Variants in RGP1 observed in about 807,000 individuals in gnomAD.
RGP1 encodes RGP1 partner of RAB6A GEF complex.
Under a neutral mutation model 44.5 loss-of-function variants are expected in RGP1, and 28 were observed. The ratio of observed to expected loss-of-function variants is 0.63; its 90% CI spans 0.47 to 0.86. RGP1 has a LOEUF of 0.86. Ranked by LOEUF, RGP1 falls within the 40% of genes least tolerant of loss-of-function variation. The probability of loss-of-function intolerance (pLI) is 0.00; values close to 1 mark genes in which losing one functional copy is unlikely to be tolerated. For missense variants in RGP1, 417 were observed against 490.7 expected (o/e 0.85, Z 1.42); for synonymous variants, 212 against 196.7 (o/e 1.08, Z -0.65).
chr9:35,759,025 G>T (rs563752310), downstream of RGP1, among the ~76,000 whole-genome samples: 1 of 152,172 alleles, frequency 6.6e-6, no homozygotes, highest in Non-Finnish European at 1.5e-5. Context: ...AGTTATGCTT[G>T]CTTTCACCAA....
the RGP1 span, among the ~76,000 whole-genome samples, chr9:35,789,424 A>G: frequency 2.6e-4 from 38 of 147,334 alleles, no homozygotes; most frequent in East Asian, 6.8e-3. Context: ...TCAGCCTCCC[A>G]AGTAGCTGGG....
In RGP1 at chr9:35,752,856, C is replaced by T; in HGVS notation, c.1158C>T (p.Thr386=). ...CATATGCTGCCCCAGGCCCCAGCAC[C>T]AGCACCATAACCATCTGAAACTGGC... ...LASYAAPGPS[T]STITI Residue 386 remains threonine (T), a synonymous_variant, in exon 9 of 9, where the codon ACC becomes ACT. Transcript: ENST00000378078. 1.2e-6 allele frequency: 2 copies of T among 1,613,850 alleles called. No individual in the cohort carries two copies. Among genetic ancestry groups the T allele is most frequent in the South Asian group, 1.1e-5 (1 of 91,030 alleles).
chr9:35,749,554 C>A lies in RGP1; in HGVS notation c.-20+146C>A. Reference sequence around the variant, plus strand: ...GTCTAGGGCCCAGAGCGATGTCCTCCCCCTGGGCAGTACTGAGTCTTCAGT... The same window carrying A: ...GTCTAGGGCCCAGAGCGATGTCCTCACCCTGGGCAGTACTGAGTCTTCAGT... On this transcript the variant is annotated intron_variant, in intron 1 of 8. Coordinates refer to ENST00000378078, the MANE Select transcript of RGP1 (RefSeq NM_001080496.3). The surrounding 1 kb of genome is among the most constrained non-coding windows in gnomAD (Gnocchi z 4.4). 1.5e-6 allele frequency: 1 copy of A among 681,116 alleles called. No individual in the cohort carries two copies. The highest frequency in any genetic ancestry group is 2.7e-6 in the Non-Finnish European group (1 of 366,010). The allele number at this position is 681,116 out of a possible 1,614,324, so 42.2% of individuals were successfully genotyped here.
At chr9:35,783,400 A>T in the RGP1 span, among the ~76,000 whole-genome samples, 1 of 152,198 alleles carries the variant, frequency 6.6e-6, no homozygotes, top group Non-Finnish European at 1.5e-5. Flanking sequence ...CTACTGTGCA[A>T]GGGAACACTG....
rs748782932 is a variant in RGP1 at position 35,753,726 on chromosome 9, G to T, written c.*852G>T. ...ATGGAAACAGTCCTTGCGGAGCCAA[G>T]ACTCACCCAGGGTAAAATATTTCCC... On this transcript the variant is annotated 3_prime_UTR_variant, in exon 9 of 9. Coordinates refer to ENST00000378078, the MANE Select transcript of RGP1 (RefSeq NM_001080496.3). This position sits in a 1 kb window ranked among gnomAD's most constrained non-coding sequence, Gnocchi z 4.2. 6.2e-7 allele frequency: 1 copy of T among 1,614,046 alleles called. No homozygotes were observed. Among genetic ancestry groups the T allele is most frequent in the African/African-American group, 1.3e-5 (1 of 74,920 alleles).
rs3750436 is a variant in RGP1 at position 35,753,173 on chromosome 9, C to G, written c.*299C>G. The G allele has an allele frequency of 8.7e-6, 14 of 1,614,174 alleles. No homozygotes were observed. The highest frequency in any genetic ancestry group is 5.5e-5 in the South Asian group (5 of 91,084). On this transcript the variant is annotated 3_prime_UTR_variant, in exon 9 of 9. Coordinates refer to ENST00000378078, the MANE Select transcript of RGP1 (RefSeq NM_001080496.3). The surrounding 1 kb of genome is among the most constrained non-coding windows in gnomAD (Gnocchi z 4.2). ...GCCCCATTCTGGGTCAGGCCCTCCC[C>G]CTTTGCAGGGCAGCCGAGGGTCAGA...
chr9:35,775,119 A>C, the RGP1 span, among the ~76,000 whole-genome samples: 1 of 152,154 alleles, frequency 6.6e-6, no homozygotes, highest in Admixed American at 6.5e-5. Context: ...TGAACTTGGC[A>C]GTTTTGGAGC....
At position 35,749,385 on chromosome 9, in the gene RGP1, G is replaced by A. The variant is rs778442520; in HGVS notation, c.-43G>A. On this transcript the variant is annotated 5_prime_UTR_variant, in exon 1 of 9. Transcript: ENST00000378078. This position sits in a 1 kb window ranked among gnomAD's most constrained non-coding sequence, Gnocchi z 4.4. ...CGGGCAGATGAGGCCTAGGGGTGCC[G>A]ATCCCTAGTGTCGACTATGCGAGGT... is the stretch of plus-strand genomic sequence containing the variant. 10 of 548,114 alleles carry A rather than the reference G, an allele frequency of 1.8e-5. No homozygotes were observed. Among genetic ancestry groups the A allele is most frequent in the Admixed American group, 1.4e-4 (7 of 51,832 alleles). 34.0% of individuals were successfully genotyped at this position (548,114 alleles called of 1,614,324 possible).
At position 35,754,105 on chromosome 9, in the gene RGP1, C is replaced by T. The variant is rs769788892; in HGVS notation, c.*1231C>T. ...CCTCCTAGGATCCCCTTGGCCTGTC[C>T]AGCCCAGAGCATCCTTAGGGCCATT... On this transcript the variant is annotated 3_prime_UTR_variant, in exon 9 of 9. Coordinates refer to ENST00000378078, the MANE Select transcript of RGP1 (RefSeq NM_001080496.3). 5.6e-6 allele frequency: 9 copies of T among 1,613,480 alleles called. No individual in the cohort carries two copies. The highest frequency in any genetic ancestry group is 7.6e-6 in the Non-Finnish European group (9 of 1,179,650).
chr9:35,752,032 C>G lies in RGP1; in HGVS notation c.839C>G (p.Ser280Cys). The G allele has an allele frequency of 6.2e-7, 1 of 1,611,072 alleles. No homozygotes were observed. The highest frequency in any genetic ancestry group is 8.5e-7 in the Non-Finnish European group (1 of 1,178,310). Residue 280 changes from serine (S) to cysteine (C), a missense_variant, in exon 8 of 9, where the codon TCT becomes TGT. Physicochemically the swap from Ser to Cys is moderately radical, Grantham distance 112. Transcript: ENST00000378078. ...QRRRGAGGVP[S>C]VSHVTHARHQ... ...CGACGTGGGGCAGGGGGTGTCCCCT[C>G]TGTGTCACATGTGACTCACGCCCGG...
chr9:35,771,027 T>C, the RGP1 span, among the ~76,000 whole-genome samples: 3 of 152,220 alleles, frequency 2.0e-5, no homozygotes, highest in South Asian at 4.1e-4. Context: ...CCCATTAATT[T>C]TGTTGCCCTT....
At position 35,750,319 on chromosome 9, in the gene RGP1, C is replaced by A. The variant is rs1305788606; in HGVS notation, c.193C>A (p.Pro65Thr). The A allele has an allele frequency of 6.2e-7, 1 of 1,613,854 alleles. No individual in the cohort carries two copies. The highest frequency in any genetic ancestry group is 8.5e-7 in the Non-Finnish European group (1 of 1,179,882). The change falls in exon 3 of 9, where the codon CCT (proline) becomes ACT (threonine). Residue 65 changes from proline to threonine, a missense_variant. By Grantham distance (38) the Pro-to-Thr change is conservative (BLOSUM62 -1). Transcript: ENST00000378078. Reference sequence around the variant, plus strand: ...TGAGAGTCGAGTAGCACTGCCTCCTCCTGACTCTAGTCAGCCAGATGTCCA... The same window carrying A: ...TGAGAGTCGAGTAGCACTGCCTCCTACTGACTCTAGTCAGCCAGATGTCCA... ...ASESRVALPP[P>T]DSSQPDVQPD...
rs750209266 is a variant in RGP1 at position 35,752,911 on chromosome 9, T to C, written c.*37T>C. The C allele has an allele frequency of 2.5e-6, 4 of 1,597,610 alleles. No homozygotes were observed. In the African/African-American group the frequency reaches 5.4e-5, roughly 21 times the overall value. On this transcript the variant is annotated 3_prime_UTR_variant, in exon 9 of 9. Coordinates refer to ENST00000378078, the MANE Select transcript of RGP1 (RefSeq NM_001080496.3). ...CCTGGTGCTAGTTCCTTCCGGATAC[T>C]GAGAACTCAGCACCTGGACTCTAAT...
At chr9:35,764,826 T>G in the RGP1 span, among the ~76,000 whole-genome samples, 7 of 152,334 alleles carry the variant, frequency 4.6e-5, no homozygotes, top group Admixed American at 2.0e-4. Context: ...TTCATGTTTT[T>G]ATGTATATTA....
chr9:35,751,578 C>T (rs561288694), intron 6 of RGP1, 49 bp from the exon 7 acceptor site: 23 of 1,612,516 alleles, frequency 1.4e-5, no homozygotes, highest in Admixed American at 5.0e-5. Context: ...CAGTCCTAGA[C>T]GTTATCCAGT....
downstream of RGP1, among the ~76,000 whole-genome samples, chr9:35,763,362 A>G (rs767129521): frequency 1.3e-5 from 2 of 152,232 alleles, no homozygotes; most frequent in Non-Finnish European, 2.9e-5. Flanking sequence ...AATGGGCTAT[A>G]TAATAGTGAG....
In RGP1 at chr9:35,751,280, C is replaced by A. The variant is rs371917906; in HGVS notation, c.502C>A (p.Arg168=). 1.9e-6 allele frequency: 3 copies of A among 1,613,950 alleles called. No individual in the cohort carries two copies. The highest frequency in any genetic ancestry group is 2.5e-6 in the Non-Finnish European group (3 of 1,179,866). The change falls in exon 6 of 9, where the codon CGG becomes AGG. Residue 168 remains arginine (R), a synonymous_variant. Coordinates refer to ENST00000378078, the MANE Select transcript of RGP1 (RefSeq NM_001080496.3). ...VLVLTGLQDV[R]FPQDEAVAPS... is the part of the protein sequence containing the mutation. Reference sequence around the variant, plus strand: ...TCTTTCTCTAGGCCTTCAGGATGTCCGGTTTCCCCAGGATGAGGCTGTAGC... The same window carrying A: ...TCTTTCTCTAGGCCTTCAGGATGTCAGGTTTCCCCAGGATGAGGCTGTAGC...
chr9:35,778,697 A>G, the RGP1 span, among the ~76,000 whole-genome samples: 5 of 152,150 alleles, frequency 3.3e-5, no homozygotes, highest in African/African-American at 1.2e-4. Flanking sequence ...CTCCTCTCGA[A>G]TGCACAAATA....
rs1179427553 is a variant in RGP1, at chr9:35,749,292, C to T, written c.-136C>T. 2.0e-6 allele frequency: 1 copy of T among 512,178 alleles called. No homozygotes were observed. The highest frequency in any genetic ancestry group is 4.0e-6 in the Non-Finnish European group (1 of 250,508). 31.7% of individuals were successfully genotyped at this position (512,178 alleles called of 1,614,324 possible). A position where few individuals can be genotyped will look rare whatever the true frequency, so the allele number is the denominator to read the frequency against. ...AGGGTGGGGGACCGAAGGGAAGTCCCGCCTCTACCGCCCAGCGGACGCCGC... is the reference window on the plus strand; with the variant it reads ...AGGGTGGGGGACCGAAGGGAAGTCCTGCCTCTACCGCCCAGCGGACGCCGC... On this transcript the variant is annotated 5_prime_UTR_variant, in exon 1 of 9. Coordinates refer to ENST00000378078, the MANE Select transcript of RGP1 (RefSeq NM_001080496.3). This position sits in a 1 kb window ranked among gnomAD's most constrained non-coding sequence, Gnocchi z 4.4.
Sources: gnomAD v4.1 joint callset for allele counts (sites outside exome capture counted in the v4.1 genomes callset) on GRCh38, gnomAD v4.1.1 for gene constraint, Gnocchi (gnomAD v3.1) non-coding constraint, MANE v1.5 for transcripts, NCBI Gene and HGNC (gene_info 2026-07-23, HGNC 2026-07-21) for gene names.